The following RIMS2 variants were observed in gnomAD, a reference collection of about 807,000 sequenced individuals.
RIMS2 encodes the protein regulating synaptic membrane exocytosis protein 2.
Under a neutral mutation model 174.4 loss-of-function variants are expected in RIMS2, and 59 were observed. The observed-to-expected ratio is 0.34, with a 90% CI of 0.27 to 0.42. The LOEUF (loss-of-function observed/expected upper bound fraction) is 0.42, where lower values mean the gene tolerates loss of function less well. Ranked by LOEUF, RIMS2 falls within the 10% of genes least tolerant of loss-of-function variation. RIMS2 has a pLI of 1.00. For missense variants in RIMS2, 1,620 were observed against 1,666.3 expected, an observed-to-expected ratio of 0.97 and a Z score of 0.48; for synonymous variants, 606 against 572.5, an observed-to-expected ratio of 1.06 and a Z score of -0.84.
chr8:104,080,450 A>C (rs981577817), intron 19 of RIMS2, among the ~76,000 whole-genome samples: 1 of 152,090 alleles, frequency 6.6e-6, no homozygotes, highest in African/African-American at 2.4e-5. Flanking sequence ...TCTCTACTAG[A>C]CATGTTCTCA....
intron 19 of RIMS2, among the ~76,000 whole-genome samples, chr8:104,077,847 A>C (rs2097328357): frequency 6.6e-6 from 1 of 151,440 alleles, no homozygotes; most frequent in Admixed American, 6.6e-5. Flanking sequence ...ATCTACAGTT[A>C]AAAACTTGGT....
chr8:104,104,180 G>A (rs2097977312), intron 19 of RIMS2, among the ~76,000 whole-genome samples: 1 of 152,174 alleles, frequency 6.6e-6, no homozygotes, highest in Non-Finnish European at 1.5e-5. Context: ...AAGAATATAA[G>A]AGTTTAAAAG....
intron 19 of RIMS2, among the ~76,000 whole-genome samples, chr8:104,063,296 T>G (rs13259172): frequency 0.19 from 28,188 of 152,058 alleles, 2,959 homozygotes; most frequent in South Asian, 0.35. Flanking sequence ...TATGTTGTTA[T>G]GTTAAAAAAT....
chr8:103,588,381 G>A (rs1390086833), intron 1 of RIMS2, among the ~76,000 whole-genome samples: 5 of 151,728 alleles, frequency 3.3e-5, no homozygotes, highest in African/African-American at 1.2e-4. Context: ...AAATACCAAT[G>A]GCATTCTTCA....
Position 104,014,497 on chromosome 8 carries a change from T to A in RIMS2, c.3225-9T>A. 6.7e-7 allele frequency: 1 copy of A among 1,497,574 alleles called. No homozygotes were observed. The highest frequency in any genetic ancestry group is 9.3e-7 in the Non-Finnish European group (1 of 1,078,478). The allele number at this position is 1,497,574 out of a possible 1,614,324, so 92.8% of individuals were successfully genotyped here. ...ATACTGAAAATGAATATTAATGGTG[T>A]GTCTTTAGGTCTCATCCTCGTACTG... On this transcript the variant is annotated splice_polypyrimidine_tract_variant and intron_variant, in intron 18 of 23. Coordinates refer to ENST00000504942, the Ensembl canonical transcript of RIMS2.
intron 1 of RIMS2, among the ~76,000 whole-genome samples, chr8:103,548,966 G>A (rs1484079666): frequency 6.6e-6 from 1 of 152,092 alleles, no homozygotes; most frequent in Non-Finnish European, 1.5e-5. Context: ...TAACTAGGGA[G>A]GTGAAAGATC....
At chr8:104,161,512 T>G (rs1206814589) in intron 19 of RIMS2, among the ~76,000 whole-genome samples, 1 of 152,144 alleles carries the variant, frequency 6.6e-6, no homozygotes, top group African/African-American at 2.4e-5. Context: ...AGCAGAGTCA[T>G]GACAACGTAA....
At chr8:103,986,868 C>T (rs543068924) in intron 16 of RIMS2, among the ~76,000 whole-genome samples, 40 of 149,086 alleles carry the variant, frequency 2.7e-4, no homozygotes, top group African/African-American at 9.4e-4. Context: ...AGTGAAACTC[C>T]GTCTCAAAAA....
intron 2 of RIMS2, among the ~76,000 whole-genome samples, chr8:103,731,006 C>A (rs1176680): frequency 6.6e-6 from 1 of 151,950 alleles, no homozygotes; most frequent in Non-Finnish European, 1.5e-5. Context: ...ACATGGATGG[C>A]GGCAGTCAAG....
chr8:104,010,007 T>C (rs948160516), intron 17 of RIMS2, among the ~76,000 whole-genome samples: 49 of 151,568 alleles, frequency 3.2e-4, no homozygotes, highest in African/African-American at 1.0e-3. Context: ...GATGGATGGA[T>C]GGATGGACGG....
rs1405593113 is a variant in RIMS2 at position 103,536,480 on chromosome 8, T to C, written c.176+35418T>C. 2.0e-5 allele frequency among the ~76,000 whole-genome samples: 3 copies of C among 152,198 alleles called. No homozygotes were observed. In the East Asian group the frequency reaches 5.8e-4, roughly 29 times the overall value. ...TAAAGGAATACCTGAGACTAGGTAA[T>C]TTATAAAGAAAAGCAGGTTAATTTA... On this transcript the variant is annotated intron_variant, in intron 1 of 23. Transcript: ENST00000504942.
intron 1 of RIMS2, among the ~76,000 whole-genome samples, chr8:103,675,352 A>G (rs992567306): frequency 2.0e-5 from 3 of 151,534 alleles, no homozygotes; most frequent in Non-Finnish European, 2.9e-5. Context: ...TGTAGAACTC[A>G]GAAGAGAAGA....
At chr8:103,890,918 T>C (rs2099240891) in intron 4 of RIMS2, among the ~76,000 whole-genome samples, 1 of 152,046 alleles carries the variant, frequency 6.6e-6, no homozygotes, top group African/African-American at 2.4e-5. Flanking sequence ...GGCTGGATAA[T>C]TGTTGTGTTG....
intron 1 of RIMS2, among the ~76,000 whole-genome samples, chr8:103,616,147 G>A (rs2095499230): frequency 6.6e-6 from 1 of 152,100 alleles, no homozygotes; most frequent in East Asian, 1.9e-4. Flanking sequence ...GAATCCAGCA[G>A]AACAACAGAA....
intron 2 of RIMS2, among the ~76,000 whole-genome samples, chr8:103,763,373 C>T (rs992509253): frequency 2.0e-5 from 3 of 151,112 alleles, no homozygotes; most frequent in Non-Finnish European, 4.4e-5. Flanking sequence ...GAGGTTGAGG[C>T]TACAGTGAAC....
At chr8:104,213,300 G>C (rs1362948945) in intron 19 of RIMS2, among the ~76,000 whole-genome samples, 1 of 152,114 alleles carries the variant, frequency 6.6e-6, no homozygotes, top group African/African-American at 2.4e-5. Context: ...AACAGAGCAA[G>C]ATCCCGTCTC....
chr8:104,229,417 A>G (rs2099210787), intron 19 of RIMS2, among the ~76,000 whole-genome samples: 1 of 152,016 alleles, frequency 6.6e-6, no homozygotes, highest in Non-Finnish European at 1.5e-5. Flanking sequence ...TGATAGTATC[A>G]TTCTAGTTTG....
intron 3 of RIMS2, among the ~76,000 whole-genome samples, chr8:103,773,186 C>G (rs2098272532): frequency 6.6e-6 from 1 of 151,406 alleles, no homozygotes; most frequent in Non-Finnish European, 1.5e-5. Context: ...AAAATAAAAA[C>G]TTTATTCATT....
chr8:103,866,868 T>C (rs1188316198), intron 3 of RIMS2, among the ~76,000 whole-genome samples: 1 of 152,026 alleles, frequency 6.6e-6, no homozygotes, highest in East Asian at 1.9e-4. Flanking sequence ...TTTTATTTTA[T>C]TTTATTTTTT....
Sources: gnomAD v4.1 joint callset for allele counts (sites outside exome capture counted in the v4.1 genomes callset) on GRCh38, gnomAD v4.1.1 for gene constraint, MANE v1.5 for transcripts, NCBI Gene and HGNC (gene_info 2026-07-23, HGNC 2026-07-21) for gene names.